The following ATP2C1 variants were observed in gnomAD, a reference collection of about 807,000 sequenced individuals.
ATP2C1 encodes the protein ATPase secretory pathway Ca2+ transporting 1.
A neutral mutation model predicts 120.5 loss-of-function variants in ATP2C1; 31 were observed. The ratio of observed to expected loss-of-function variants is 0.26; its 90% CI spans 0.19 to 0.35. The LOEUF (loss-of-function observed/expected upper bound fraction) is 0.35, where lower values mean the gene tolerates loss of function less well. Among genes scored for constraint, ATP2C1 ranks in the 10% least tolerant of loss-of-function variants. ATP2C1 has a pLI of 1.00. For synonymous variants in ATP2C1, 351 were observed against 358.7 expected, an observed-to-expected ratio of 0.98 and a Z score of 0.24; for missense variants, 731 against 1,107.5, an observed-to-expected ratio of 0.66 and a Z score of 4.83.
In ATP2C1 at chr3:131,003,144, A is replaced by C; in HGVS notation, c.*1794A>C. 4.1e-6 allele frequency: 4 copies of C among 982,680 alleles called. No homozygotes were observed. Among genetic ancestry groups the C allele is most frequent in the Non-Finnish European group, 4.8e-6 (4 of 827,050 alleles). The allele number at this position is 982,680 out of a possible 1,614,324, so 60.9% of individuals were successfully genotyped here. On this transcript the variant is annotated 3_prime_UTR_variant, in exon 28 of 28. Coordinates refer to ENST00000510168, the MANE Select transcript of ATP2C1 (RefSeq NM_001378687.1). ...ACTATAAAAATAAAAATGATTTCTT[A>C]AGTTAATGACATCCCAGTGGGGACT...
intron 7 of ATP2C1, 53 bp from the exon 8 acceptor site, chr3:130,941,538 A>T: frequency 6.9e-7 from 1 of 1,441,508 alleles, no homozygotes; most frequent in South Asian, 1.2e-5. Context: ...TTTTAAGACA[A>T]GTTGCATGAA....
intron 8 of ATP2C1, among the ~76,000 whole-genome samples, chr3:130,952,240 GA>G (rs771724177): frequency 6.6e-5 from 10 of 152,180 alleles, no homozygotes; most frequent in Non-Finnish European, 8.8e-5. Flanking sequence ...TCCAAGGGTA[GA>G]AACTTTGTTT....
chr3:130,969,490 A>G (rs1470434414), intron 17 of ATP2C1, 94 bp downstream of exon 17: 1 of 905,176 alleles, frequency 1.1e-6, no homozygotes, highest in African/African-American at 1.6e-5. Flanking sequence ...CATTGTACAT[A>G]ATAAAGACTT....
At position 130,913,260 on chromosome 3, in the gene ATP2C1, AT is replaced by A. The variant is rs199765411; in HGVS notation, c.7-17153del. On this transcript the variant is annotated intron_variant, in intron 2 of 27. Transcript: ENST00000510168. ...TTAAAGTATAATAAAAAATAAATAA[AT>A]TTAAAAAAAAAAAAGAATTTTGTTT... 1.1e-3 allele frequency among the ~76,000 whole-genome samples: 159 copies of A among 151,228 alleles called. 2 individuals carry two copies. The highest frequency in any genetic ancestry group is 3.4e-3 in the Middle Eastern group (1 of 292).
chr3:130,996,571 T>A (rs17282299), intron 23 of ATP2C1, 109 bp from the exon 24 acceptor site: 2 of 801,160 alleles, frequency 2.5e-6, no homozygotes, highest in African/African-American at 1.7e-5. Flanking sequence ...TGAAACAGTC[T>A]TCCTTTAAAA....
chr3:130,959,363 T>C lies in ATP2C1; in HGVS notation c.899+22T>C, dbSNP rs199541908. The C allele has an allele frequency of 3.3e-6, 5 of 1,534,330 alleles. No individual in the cohort carries two copies. In the African/African-American group the frequency reaches 5.5e-5, roughly 17 times the overall value. On this transcript the variant is annotated intron_variant, in intron 12 of 27. Transcript: ENST00000510168. ...TAAGGTAAGTCTCAATACTTTATAA[T>C]TGGAGTCTCTTTTGCCTCTTTTATT...
At position 131,001,670 on chromosome 3, in the gene ATP2C1, C is replaced by T. The variant is rs1180643801; in HGVS notation, c.*320C>T. 9.7e-7 allele frequency: 1 copy of T among 1,033,276 alleles called. No homozygotes were observed. Among genetic ancestry groups the T allele is most frequent in the Non-Finnish European group, 1.2e-6 (1 of 855,958 alleles). The allele number at this position is 1,033,276 out of a possible 1,614,324, so 64.0% of individuals were successfully genotyped here. A position where few individuals can be genotyped will look rare whatever the true frequency, so the allele number is the denominator to read the frequency against. On this transcript the variant is annotated 3_prime_UTR_variant, in exon 28 of 28. Transcript: ENST00000510168. Reference sequence around the variant, plus strand: ...AAAGAAGTCTAACAGTACAAATACACTATCTATCTTAGATAGATATATTTT... The same window carrying T: ...AAAGAAGTCTAACAGTACAAATACATTATCTATCTTAGATAGATATATTTT...
At chr3:130,887,524 A>C (rs750791743) in intron 1 of ATP2C1, among the ~76,000 whole-genome samples, 8 of 152,202 alleles carry the variant, frequency 5.3e-5, no homozygotes, top group Non-Finnish European at 1.2e-4. Flanking sequence ...ACTGTAGCTA[A>C]GCTGGCACTT....
chr3:130,951,938 A>G (rs1374434770), intron 8 of ATP2C1, among the ~76,000 whole-genome samples: 1 of 152,090 alleles, frequency 6.6e-6, no homozygotes, highest in East Asian at 1.9e-4. Flanking sequence ...TTAACAACCT[A>G]TTGTAAACTG....
intron 18 of ATP2C1, among the ~76,000 whole-genome samples, chr3:130,976,990 G>T (rs998013754): frequency 6.6e-6 from 1 of 152,192 alleles, no homozygotes; most frequent in Non-Finnish European, 1.5e-5. Flanking sequence ...CTGGCTCAGG[G>T]TAACACTTTT....
intron 16 of ATP2C1, 29 bp downstream of exon 16, chr3:130,967,448 A>T: frequency 6.4e-7 from 1 of 1,569,276 alleles, no homozygotes; most frequent in Non-Finnish European, 8.8e-7. Context: ...CTTCTTTGAC[A>T]TTTGAGACAC....
intron 8 of ATP2C1, among the ~76,000 whole-genome samples, chr3:130,949,586 G>T (rs2060283951): frequency 6.6e-6 from 1 of 152,126 alleles, no homozygotes; most frequent in South Asian, 2.1e-4. Flanking sequence ...TGAGGAAGGT[G>T]GTTGTACCGA....
chr3:131,005,870 A>G (rs76097377), downstream of ATP2C1, among the ~76,000 whole-genome samples: 3,828 of 152,306 alleles, frequency 0.025, 61 homozygotes, highest in Non-Finnish European at 0.038. Flanking sequence ...AAGGTTACTG[A>G]CTGGAAAACA....
upstream of ATP2C1, among the ~76,000 whole-genome samples, chr3:130,890,288 T>C (rs922172193): frequency 6.6e-6 from 1 of 152,206 alleles, no homozygotes; most frequent in African/African-American, 2.4e-5. Context: ...TTGGTCATGG[T>C]ACTCTTGGGT....
At chr3:130,994,178 G>A (rs1003339180) in intron 22 of ATP2C1, 80 bp downstream of exon 22, 139 of 1,527,144 alleles carry the variant, frequency 9.1e-5, no homozygotes, top group Non-Finnish European at 1.2e-4. Flanking sequence ...GAATTCAACT[G>A]GAAAAGAATT....
chr3:130,852,530 AC>A (rs2067707323), intron 1 of ATP2C1, among the ~76,000 whole-genome samples: 1 of 152,154 alleles, frequency 6.6e-6, no homozygotes, highest in African/African-American at 2.4e-5. Flanking sequence ...ATTTGGGACA[AC>A]CTAGGAACAG....
chr3:131,009,409 G>A (rs2063232828), intron 26 of ATP2C1, among the ~76,000 whole-genome samples: 1 of 152,170 alleles, frequency 6.6e-6, no homozygotes, highest in East Asian at 1.9e-4. Context: ...CAAATAGAAT[G>A]TTTTCAGGAG....
At chr3:130,932,396 T>C (rs111914674) in intron 4 of ATP2C1, among the ~76,000 whole-genome samples, 71 of 152,238 alleles carry the variant, frequency 4.7e-4, no homozygotes, top group African/African-American at 1.7e-3. Context: ...TGTCCTTTGC[T>C]GATATCAAAC....
chr3:130,932,875 G>T (rs1159002029), intron 4 of ATP2C1, among the ~76,000 whole-genome samples: 1 of 152,118 alleles, frequency 6.6e-6, no homozygotes, highest in African/African-American at 2.4e-5. Flanking sequence ...TTCTGCTAAT[G>T]AGCTTAAATT....
Sources: gnomAD v4.1 joint callset for allele counts (sites outside exome capture counted in the v4.1 genomes callset) on GRCh38, gnomAD v4.1.1 for gene constraint, MANE v1.5 for transcripts, NCBI Gene and HGNC (gene_info 2026-07-23, HGNC 2026-07-21) for gene names.